The following FOXN3 variants were observed in gnomAD, a reference collection of about 807,000 sequenced individuals.
FOXN3 encodes the protein forkhead box protein N3.
In FOXN3, 7 loss-of-function variants were observed where a neutral mutation model predicts 38.4. The ratio of observed to expected loss-of-function variants is 0.18; its 90% CI spans 0.10 to 0.34. The LOEUF (loss-of-function observed/expected upper bound fraction) is 0.34, where lower values mean the gene tolerates loss of function less well. Ranked by LOEUF, FOXN3 falls within the 10% of genes least tolerant of loss-of-function variation. The pLI, the probability that FOXN3 is intolerant of heterozygous loss-of-function variation, is 1.00. For missense variants in FOXN3, 456 were observed against 613.4 expected (o/e 0.74, Z 2.71); for synonymous variants, 230 against 242.2 (o/e 0.95, Z 0.47).
chr14:89,180,822 G>A lies in FOXN3; in HGVS notation c.746-16C>T, dbSNP rs2139795843. 1 of 1,589,632 alleles carries A rather than the reference G, an allele frequency of 6.3e-7. No homozygotes were observed. The highest frequency in any genetic ancestry group is 2.3e-5 in the East Asian group (1 of 44,208). On this transcript the variant is annotated splice_polypyrimidine_tract_variant and intron_variant, in intron 4 of 5. Coordinates refer to ENST00000557258, the MANE Select transcript of FOXN3 (RefSeq NM_005197.4). The stretch of plus-strand genomic sequence containing the variant: ...CCTGGAGGAACTGAAAAAGCAAAGG[G>A]GAGAAAGACACCGCACGTGAATTCA...
chr14:89,333,762 A>AC (rs1888336912), intron 3 of FOXN3, among the ~76,000 whole-genome samples: 1 of 120,914 alleles, frequency 8.3e-6, no homozygotes, highest in Non-Finnish European at 1.9e-5. Context: ...AAAAAAAAAA[A>AC]AAAAAAAAAA....
At chr14:89,302,549 G>A (rs1435730595) in intron 3 of FOXN3, among the ~76,000 whole-genome samples, 3 of 152,194 alleles carry the variant, frequency 2.0e-5, no homozygotes, top group African/African-American at 7.2e-5. Flanking sequence ...AACCTTTGGA[G>A]GAAACTGACT....
intron 5 of FOXN3, among the ~76,000 whole-genome samples, chr14:89,178,580 G>A (rs1887585810): frequency 6.6e-6 from 1 of 152,196 alleles, no homozygotes; most frequent in East Asian, 1.9e-4. Flanking sequence ...GCCCAGCTGA[G>A]GCACTCAGTG....
chr14:89,425,804 A>G (rs935597552), intron 1 of FOXN3, among the ~76,000 whole-genome samples: 18 of 152,216 alleles, frequency 1.2e-4, no homozygotes, highest in Admixed American at 5.2e-4. Context: ...CCTTTCATCA[A>G]CCAATGAAAA....
intron 1 of FOXN3, among the ~76,000 whole-genome samples, chr14:89,546,581 G>A (rs976808441): frequency 2.0e-5 from 3 of 150,822 alleles, no homozygotes; most frequent in South Asian, 2.1e-4. Context: ...CACCCACCTC[G>A]GCCTCCCAAA....
At chr14:89,257,022 G>C (rs1413050967) in intron 4 of FOXN3, among the ~76,000 whole-genome samples, 29 of 152,206 alleles carry the variant, frequency 1.9e-4, no homozygotes, top group Non-Finnish European at 5.9e-5. Flanking sequence ...AAATAAACCA[G>C]TTATTTTTGG....
intron 1 of FOXN3, among the ~76,000 whole-genome samples, chr14:89,465,104 T>C (rs190181170): frequency 1.5e-4 from 23 of 152,322 alleles, no homozygotes; most frequent in East Asian, 9.6e-4. Context: ...TGAAGAAGGA[T>C]GTGTTTGCTT....
chr14:89,481,394 C>T (rs974958731), intron 1 of FOXN3, among the ~76,000 whole-genome samples: 9 of 152,100 alleles, frequency 5.9e-5, no homozygotes, highest in African/African-American at 1.2e-4. Flanking sequence ...TGGAAAACGA[C>T]GTAGTGACTT....
rs58182379 is a variant in FOXN3, at chr14:89,513,905, TACAC to T, written c.-14-101419_-14-101416del. On this transcript the variant is annotated intron_variant, in intron 1 of 6. Transcript: ENST00000345097. ...TCTCTCTTTCCTTCTCTTTCTCTCT[TACAC>T]ACACACACACACACACACACGCACG... Among the ~76,000 whole-genome samples the T allele has an allele frequency of 7.8e-3, 1,162 of 149,434 alleles. 7 individuals carry two copies. The highest frequency in any genetic ancestry group is 0.018 in the African/African-American group (717 of 40,470).
At chr14:89,308,421 C>T (rs1230153372) in intron 3 of FOXN3, among the ~76,000 whole-genome samples, 1 of 152,258 alleles carries the variant, frequency 6.6e-6, no homozygotes, top group Non-Finnish European at 1.5e-5. Context: ...CAGATGCACG[C>T]ACTTGCTGTG....
At chr14:89,604,501 A>G (rs1896229803) in intron 1 of FOXN3, among the ~76,000 whole-genome samples, 1 of 152,248 alleles carries the variant, frequency 6.6e-6, no homozygotes, top group African/African-American at 2.4e-5. Flanking sequence ...ACTGCAGCAC[A>G]TAGAAATATA....
At chr14:89,430,083 C>G (rs1156247732) in intron 1 of FOXN3, among the ~76,000 whole-genome samples, 2 of 152,140 alleles carry the variant, frequency 1.3e-5, no homozygotes, top group Admixed American at 1.3e-4. Flanking sequence ...TCATGATGCT[C>G]TAAAAATAGC....
intron 1 of FOXN3, among the ~76,000 whole-genome samples, chr14:89,415,873 C>CACAA (rs1444975194): frequency 6.6e-6 from 1 of 151,480 alleles, no homozygotes; most frequent in East Asian, 2.0e-4. Flanking sequence ...CACACACACA[C>CACAA]ACACACACAC....
At chr14:89,583,879 T>C (rs1472966370) in intron 1 of FOXN3, among the ~76,000 whole-genome samples, 1 of 151,624 alleles carries the variant, frequency 6.6e-6, no homozygotes, top group Admixed American at 6.6e-5. Flanking sequence ...ATTTTTTAGA[T>C]GGAGTCTTGC....
intron 3 of FOXN3, among the ~76,000 whole-genome samples, chr14:89,340,074 GAGAA>G (rs899054447): frequency 2.0e-5 from 3 of 152,044 alleles, no homozygotes; most frequent in East Asian, 1.9e-4. Flanking sequence ...CAGCTGCAAA[GAGAA>G]AGAGAGAGGA....
At chr14:89,442,624 A>AT (rs1335637298) in intron 1 of FOXN3, among the ~76,000 whole-genome samples, 6 of 152,186 alleles carry the variant, frequency 3.9e-5, no homozygotes, top group African/African-American at 1.4e-4. Context: ...CCTGAGTTGT[A>AT]TGCAGTGTGT....
chr14:89,300,244 A>G (rs1293196416), intron 3 of FOXN3, among the ~76,000 whole-genome samples: 2 of 142,180 alleles, frequency 1.4e-5, no homozygotes, highest in Non-Finnish European at 3.0e-5. Flanking sequence ...GTGCAATGGC[A>G]TGATCTTGGC....
At chr14:89,530,016 C>A (rs1894522981) in intron 1 of FOXN3, among the ~76,000 whole-genome samples, 1 of 151,618 alleles carries the variant, frequency 6.6e-6, no homozygotes, top group Non-Finnish European at 1.5e-5. Flanking sequence ...TCTTGGCTCA[C>A]TGCAACCTCT....
chr14:89,324,441 TGC>T (rs1491036209), intron 3 of FOXN3, among the ~76,000 whole-genome samples: 25 of 106,972 alleles, frequency 2.3e-4, no homozygotes, highest in South Asian at 1.3e-3. Context: ...GCTAAGTGTG[TGC>T]GTGTGTGTGT....
Sources: allele counts gnomAD v4.1 joint callset (sites outside exome capture counted in the v4.1 genomes callset), GRCh38; gene constraint gnomAD v4.1.1; transcripts MANE v1.5; gene names NCBI Gene and HGNC (gene_info 2026-07-23, HGNC 2026-07-21).